ZDHHC14: variants seen among roughly 807,000 people sequenced by gnomAD.
ZDHHC14 encodes palmitoyltransferase ZDHHC14.
A neutral mutation model predicts 47.7 loss-of-function variants in ZDHHC14; 16 were observed. The observed-to-expected ratio is 0.34, with a 90% CI of 0.23 to 0.51. ZDHHC14 has a LOEUF of 0.51. Ranked by LOEUF, ZDHHC14 falls within the 20% of genes least tolerant of loss-of-function variation. The probability of loss-of-function intolerance (pLI) is 0.97; values close to 1 mark genes in which losing one functional copy is unlikely to be tolerated. For missense variants in ZDHHC14, 515 were observed against 662.5 expected (o/e 0.78, Z 2.44); for synonymous variants, 293 against 278.9 (o/e 1.05, Z -0.50).
chr6:157,676,379 A>G lies in ZDHHC14; in HGVS notation c.*3257A>G, dbSNP rs1445396467. 4 of 152,368 alleles carry G rather than the reference A, an allele frequency of 2.6e-5. No homozygotes were observed. Among genetic ancestry groups the G allele is most frequent in the Non-Finnish European group, 5.9e-5 (4 of 68,104 alleles). The allele number at this position is 152,368 out of a possible 1,614,324, so 9.4% of individuals were successfully genotyped here. A position where few individuals can be genotyped will look rare whatever the true frequency, so the allele number is the denominator to read the frequency against. On this transcript the variant is annotated 3_prime_UTR_variant, in exon 9 of 9. Coordinates refer to ENST00000359775, the MANE Select transcript of ZDHHC14 (RefSeq NM_024630.3). The stretch of plus-strand genomic sequence containing the variant: ...TGCGAAATCTCTGTTCTGGCCCAGA[A>G]TGGCACAAGGGAGGAGTCTTTGCAG...
At chr6:157,489,794 G>T (rs1029806022) in intron 1 of ZDHHC14, among the ~76,000 whole-genome samples, 2 of 152,126 alleles carry the variant, frequency 1.3e-5, no homozygotes, top group African/African-American at 4.8e-5. Context: ...TTTGAGACAG[G>T]GTCTCACTCT....
chr6:157,443,780 C>G (rs1214377167), intron 1 of ZDHHC14, among the ~76,000 whole-genome samples: 1 of 152,204 alleles, frequency 6.6e-6, no homozygotes, highest in Non-Finnish European at 1.5e-5. Flanking sequence ...AATCCCAGTT[C>G]TGCCTCTTAC....
At chr6:157,417,693 G>A (rs968339772) in intron 1 of ZDHHC14, among the ~76,000 whole-genome samples, 37 of 152,170 alleles carry the variant, frequency 2.4e-4, no homozygotes, top group African/African-American at 7.7e-4. Context: ...CCGTAAAGGC[G>A]AAGAAGGCCA....
chr6:157,594,239 T>C (rs1199153173), intron 3 of ZDHHC14, among the ~76,000 whole-genome samples: 3 of 152,244 alleles, frequency 2.0e-5, no homozygotes, highest in African/African-American at 7.2e-5. Flanking sequence ...ACTTTAATAA[T>C]CTACAGTTTG....
chr6:157,528,763 TA>T (rs201976753), intron 1 of ZDHHC14, among the ~76,000 whole-genome samples: 2,357 of 149,260 alleles, frequency 0.016, 72 homozygotes, highest in African/African-American at 0.055. Context: ...ATAAAATAAT[TA>T]AAAAGCACAA....
At chr6:157,535,102 G>A (rs1267913142) in intron 1 of ZDHHC14, among the ~76,000 whole-genome samples, 2 of 152,136 alleles carry the variant, frequency 1.3e-5, no homozygotes, top group Non-Finnish European at 2.9e-5. Flanking sequence ...TTAAGAGTAA[G>A]GACACTAACT....
chr6:157,493,376 G>A (rs1276312564), intron 1 of ZDHHC14, among the ~76,000 whole-genome samples: 2 of 152,248 alleles, frequency 1.3e-5, no homozygotes, highest in Non-Finnish European at 2.9e-5. Context: ...CAGGCGGAGA[G>A]GGGAAAGAAG....
Position 157,653,635 on chromosome 6 carries a change from T to TG in ZDHHC14, c.1068+13dup. The TG allele has an allele frequency of 6.2e-7, 1 of 1,611,138 alleles. No individual in the cohort carries two copies. The highest frequency in any genetic ancestry group is 8.5e-7 in the Non-Finnish European group (1 of 1,178,844). ...CAGTCACAGAGTGACATGGTAGGAG[T>TG]GGGGGCCACTGCTCCCTGCGAGGGC... is the stretch of plus-strand genomic sequence containing the variant. On this transcript the variant is annotated intron_variant, in intron 8 of 8. Transcript: ENST00000359775.
intron 1 of ZDHHC14, among the ~76,000 whole-genome samples, chr6:157,514,691 C>T (rs548268026): frequency 6.6e-6 from 1 of 152,344 alleles, no homozygotes; most frequent in South Asian, 2.1e-4. Flanking sequence ...AGCCCTGCAG[C>T]CTCTTGACTG....
chr6:157,486,580 C>A (rs1161609423), intron 1 of ZDHHC14, among the ~76,000 whole-genome samples: 1 of 152,140 alleles, frequency 6.6e-6, no homozygotes, highest in Non-Finnish European at 1.5e-5. Flanking sequence ...AGTGCTAGGG[C>A]TGGGGGTCCA....
chr6:157,468,875 G>A (rs113437241), intron 1 of ZDHHC14, among the ~76,000 whole-genome samples: 2,982 of 152,248 alleles, frequency 0.02, 103 homozygotes, highest in African/African-American at 0.068. Context: ...ACGCTCAGAC[G>A]TGGCGCAGGA....
chr6:157,548,409 C>T (rs1782074260), intron 2 of ZDHHC14, among the ~76,000 whole-genome samples: 1 of 149,416 alleles, frequency 6.7e-6, no homozygotes, highest in South Asian at 2.2e-4. Context: ...TGCTTTCCGC[C>T]CTGTTCTTGT....
chr6:157,581,886 CCATTCTGTGA>C (rs1196249601), intron 2 of ZDHHC14, among the ~76,000 whole-genome samples: 2 of 151,736 alleles, frequency 1.3e-5, no homozygotes, highest in Non-Finnish European at 2.9e-5. Flanking sequence ...ATCCAGGTTG[CCATTCTGTGA>C]CATTTTTTTT....
intron 7 of ZDHHC14, 49 bp downstream of exon 7, chr6:157,647,417 A>G: frequency 2.7e-6 from 4 of 1,490,528 alleles, no homozygotes; most frequent in Non-Finnish European, 3.7e-6. Flanking sequence ...GGAAAACCGA[A>G]TGCCTCGGCC....
chr6:157,478,357 C>T (rs1321751504), intron 1 of ZDHHC14, among the ~76,000 whole-genome samples: 2 of 152,194 alleles, frequency 1.3e-5, no homozygotes, highest in Non-Finnish European at 2.9e-5. Context: ...TTTACCAACA[C>T]TGTTGTGTTT....
chr6:157,616,402 C>T (rs1423657266), intron 3 of ZDHHC14, among the ~76,000 whole-genome samples: 1 of 152,174 alleles, frequency 6.6e-6, no homozygotes, highest in Non-Finnish European at 1.5e-5. Context: ...ATGACCAGAG[C>T]TTGGGACCTG....
rs578165195 is a variant in ZDHHC14 at position 157,586,428 on chromosome 6, G to A, written c.407-6560G>A. On this transcript the variant is annotated intron_variant, in intron 2 of 8. Coordinates refer to ENST00000359775, the MANE Select transcript of ZDHHC14 (RefSeq NM_024630.3). The surrounding 1 kb of genome is among the most constrained non-coding windows in gnomAD (Gnocchi z 4.6). ...CTGGAAGTAGAAAACAGCATTGCCCGCTCAGGGAAACCCAAGGAGGCCACC... is the reference window on the plus strand; with the variant it reads ...CTGGAAGTAGAAAACAGCATTGCCCACTCAGGGAAACCCAAGGAGGCCACC... Among the ~76,000 whole-genome samples, 14 of 152,288 alleles carry A rather than the reference G, an allele frequency of 9.2e-5. No homozygotes were observed. In the East Asian group the frequency reaches 2.5e-3, roughly 27 times the overall value.
intron 2 of ZDHHC14, among the ~76,000 whole-genome samples, chr6:157,563,117 G>A (rs1366379966): frequency 3.3e-5 from 5 of 152,224 alleles, no homozygotes; most frequent in African/African-American, 1.2e-4. Context: ...CTGGACTCCT[G>A]GAGGTGGTAA....
At chr6:157,418,680 A>G (rs1292265346) in intron 1 of ZDHHC14, among the ~76,000 whole-genome samples, 1 of 152,192 alleles carries the variant, frequency 6.6e-6, no homozygotes, top group Non-Finnish European at 1.5e-5. Context: ...TGAAATACAG[A>G]TAGCTATGTT....
Sources: gnomAD v4.1 joint callset for allele counts (sites outside exome capture counted in the v4.1 genomes callset) on GRCh38, gnomAD v4.1.1 for gene constraint, Gnocchi (gnomAD v3.1) non-coding constraint, MANE v1.5 for transcripts, NCBI Gene and HGNC (gene_info 2026-07-23, HGNC 2026-07-21) for gene names.